Variants in ROBO1 observed in about 807,000 individuals in gnomAD.
The protein encoded by ROBO1 is roundabout homolog 1.
Under a neutral mutation model 195.9 loss-of-function variants are expected in ROBO1, and 149 were observed. That is an observed-to-expected ratio of 0.76 (90% CI 0.67 to 0.87). ROBO1 has a LOEUF of 0.87. ROBO1 is among the 40% of genes least tolerant of loss of function. The probability of loss-of-function intolerance (pLI) is 0.00; values close to 1 mark genes in which losing one functional copy is unlikely to be tolerated. For synonymous variants in ROBO1, 816 were observed against 733.2 expected (o/e 1.11, Z -1.82); for missense variants, 1,933 against 2,068.3 (o/e 0.93, Z 1.27).
intron 15 of ROBO1, 143 bp downstream of exon 15, chr3:78,661,850 T>A (rs747794170): frequency 2.0e-6 from 2 of 1,001,056 alleles, no homozygotes; most frequent in Non-Finnish European, 2.8e-6. Context: ...TAAACCAAAC[T>A]AATAGCTACT....
At chr3:79,338,097 TAA>T (rs1200877211) in intron 2 of ROBO1, among the ~76,000 whole-genome samples, 2 of 152,164 alleles carry the variant, frequency 1.3e-5, no homozygotes, top group Admixed American at 1.3e-4. Flanking sequence ...CTTTAAAATT[TAA>T]AAAGTGTTGA....
rs959114868 is a variant in ROBO1, at chr3:78,987,237, G to A, written c.173-48310C>T. On this transcript the variant is annotated intron_variant, in intron 3 of 30. Coordinates refer to ENST00000464233, the MANE Select transcript of ROBO1 (RefSeq NM_002941.4). ...AGAAAGAGTAAGATATTTAGAAATA[G>A]TTTTTTTTAAAATAAGTATATGTTT... is the stretch of plus-strand genomic sequence containing the variant. Among the ~76,000 whole-genome samples, 3 of 150,766 alleles carry A rather than the reference G, an allele frequency of 2.0e-5. No homozygotes were observed. The East Asian group carries it at 5.9e-4, about 29-fold the overall frequency.
chr3:78,699,395 C>CAA lies in ROBO1; in HGVS notation c.1046-10625_1046-10624dup, dbSNP rs60574193. Among the ~76,000 whole-genome samples the CAA allele has an allele frequency of 8.5e-3, 704 of 83,008 alleles. 6 individuals are homozygous for CAA. The highest frequency in any genetic ancestry group is 0.015 in the East Asian group (36 of 2,440). The allele number at this position is 83,008 out of a possible 152,430, so 54.5% of individuals were successfully genotyped here. On this transcript the variant is annotated intron_variant, in intron 8 of 30. Transcript: ENST00000464233. ...GGAAACCCCGTCTCTACTAAAAATA[C>CAA]AAAAAAAAAAAAAAAAAAAAAAAAT... is the stretch of plus-strand genomic sequence containing the variant.
chr3:79,706,169 T>C (rs945661844), intron 1 of ROBO1, among the ~76,000 whole-genome samples: 48 of 152,238 alleles, frequency 3.2e-4, no homozygotes, highest in Non-Finnish European at 2.5e-4. Context: ...TTGCATTAGC[T>C]AGGATTTCAA....
chr3:79,604,714 C>CA (rs1356774748), intron 1 of ROBO1, among the ~76,000 whole-genome samples: 3 of 151,792 alleles, frequency 2.0e-5, no homozygotes, highest in African/African-American at 4.8e-5. Context: ...AAAATAATGC[C>CA]AAAAATGTAT....
chr3:78,633,796 A>G (rs1705321784), intron 24 of ROBO1, 139 bp downstream of exon 24: 1 of 488,182 alleles, frequency 2.0e-6, no homozygotes, highest in Non-Finnish European at 3.7e-6. Flanking sequence ...TTGCAGAGAC[A>G]AGACACATGC....
At chr3:79,671,733 G>A (rs528582195) in intron 1 of ROBO1, among the ~76,000 whole-genome samples, 3 of 151,700 alleles carry the variant, frequency 2.0e-5, no homozygotes, top group Non-Finnish European at 4.4e-5. Flanking sequence ...TTGTATTGTC[G>A]GTATTTAAAA....
intron 2 of ROBO1, 124 bp from the exon 3 acceptor site, chr3:79,125,663 C>A: frequency 2.8e-6 from 2 of 717,934 alleles, no homozygotes; most frequent in East Asian, 5.4e-5. Context: ...AAGGACAACA[C>A]ACAGCACGCT....
chr3:78,922,394 G>C (rs1179118968), intron 4 of ROBO1, among the ~76,000 whole-genome samples: 1 of 151,928 alleles, frequency 6.6e-6, no homozygotes, highest in African/African-American at 2.4e-5. Context: ...CCTATCATCA[G>C]GCTAAAAGGC....
intron 14 of ROBO1, among the ~76,000 whole-genome samples, chr3:78,666,013 T>C (rs1379247157): frequency 2.0e-5 from 3 of 152,092 alleles, no homozygotes; most frequent in East Asian, 1.9e-4. Context: ...AACTGAATCA[T>C]GGAGTAGTTA....
chr3:79,044,894 CCT>C (rs933546230), intron 3 of ROBO1, among the ~76,000 whole-genome samples: 19 of 151,694 alleles, frequency 1.3e-4, no homozygotes, highest in African/African-American at 4.1e-4. Context: ...CTCAGTTTCC[CCT>C]TTTTTTGTTT....
In ROBO1 at chr3:79,582,739, G is replaced by A. The variant is rs189171216; in HGVS notation, c.88+7085C>T. Among the ~76,000 whole-genome samples, 1,183 of 152,006 alleles carry A rather than the reference G, an allele frequency of 7.8e-3. 12 individuals carry two copies. Among genetic ancestry groups the A allele is most frequent in the Middle Eastern group, 0.017 (5 of 290 alleles). ...CAGCCAAGTACATATGGCTCCTCCA[G>A]ATTTGAACTTTGTCTCTTTCTGAGA... is the stretch of plus-strand genomic sequence containing the variant. On this transcript the variant is annotated intron_variant, in intron 2 of 30. Transcript: ENST00000464233.
At chr3:79,020,568 T>C (rs2078078858) in intron 3 of ROBO1, among the ~76,000 whole-genome samples, 1 of 152,154 alleles carries the variant, frequency 6.6e-6, no homozygotes, top group African/African-American at 2.4e-5. Flanking sequence ...GGCGTTCGCC[T>C]GTAGCCCCAG....
At chr3:79,234,503 C>T (rs142483060) in intron 2 of ROBO1, among the ~76,000 whole-genome samples, 34 of 151,984 alleles carry the variant, frequency 2.2e-4, no homozygotes, top group African/African-American at 8.2e-4. Flanking sequence ...GTAATTCTAC[C>T]AAAAAGTCAC....
chr3:79,557,964 G>A (rs1438733193), intron 2 of ROBO1, among the ~76,000 whole-genome samples: 2 of 151,866 alleles, frequency 1.3e-5, no homozygotes, highest in Non-Finnish European at 2.9e-5. Flanking sequence ...GACATTGAGT[G>A]CTTCATTCAA....
At chr3:79,451,730 G>A (rs144742418) in intron 2 of ROBO1, among the ~76,000 whole-genome samples, 288 of 152,072 alleles carry the variant, frequency 1.9e-3, no homozygotes, top group South Asian at 6.0e-3. Context: ...GTGGTATTTC[G>A]TTACAGCATC....
intron 4 of ROBO1, among the ~76,000 whole-genome samples, chr3:78,814,171 T>C (rs1013842228): frequency 2.0e-5 from 3 of 152,074 alleles, no homozygotes; most frequent in African/African-American, 7.2e-5. Flanking sequence ...ATAACAATGT[T>C]CTTTCTTTGA....
At chr3:79,763,183 A>C (rs1260386926) in intron 1 of ROBO1, among the ~76,000 whole-genome samples, 1 of 152,202 alleles carries the variant, frequency 6.6e-6, no homozygotes, top group Non-Finnish European at 1.5e-5. Context: ...AAGAAATATA[A>C]AATTTGAATG....
chr3:79,552,580 T>C (rs747482204), intron 2 of ROBO1, among the ~76,000 whole-genome samples: 1 of 152,170 alleles, frequency 6.6e-6, no homozygotes, highest in African/African-American at 2.4e-5. Context: ...ATTTCTAATG[T>C]GCGAAGTATA....
Sources: allele counts gnomAD v4.1 joint callset (sites outside exome capture counted in the v4.1 genomes callset), GRCh38; gene constraint gnomAD v4.1.1; transcripts MANE v1.5; gene names NCBI Gene and HGNC (gene_info 2026-07-23, HGNC 2026-07-21).